Variants in FGGY observed in about 807,000 individuals in gnomAD.
The protein encoded by FGGY is FGGY carbohydrate kinase domain containing.
A neutral mutation model predicts 71.3 loss-of-function variants in FGGY; 72 were observed. The observed-to-expected ratio is 1.01, with a 90% confidence interval of 0.84 to 1.23. The LOEUF is 1.23. FGGY is among the 50% of genes most tolerant of loss of function. The probability of loss-of-function intolerance (pLI) is 0.00; values close to 1 mark genes in which losing one functional copy is unlikely to be tolerated. For synonymous variants in FGGY, 251 were observed against 250.3 expected, an observed-to-expected ratio of 1.00 and a Z score of -0.02; for missense variants, 668 against 682.3, an observed-to-expected ratio of 0.98 and a Z score of 0.23.
At chr1:59,337,662 G>A (rs1176466886) in intron 2 of FGGY, among the ~76,000 whole-genome samples, 1 of 151,996 alleles carries the variant, frequency 6.6e-6, no homozygotes, top group Non-Finnish European at 1.5e-5. Flanking sequence ...TTATCTTTTA[G>A]TTGCTATTAA....
At chr1:59,587,861 A>T (rs1244800730) in intron 8 of FGGY, among the ~76,000 whole-genome samples, 2 of 152,196 alleles carry the variant, frequency 1.3e-5, no homozygotes, top group East Asian at 3.8e-4. Context: ...ACAGAGCAGA[A>T]AAACTGGAAA....
intron 6 of FGGY, among the ~76,000 whole-genome samples, chr1:59,476,069 A>T (rs959673129): frequency 6.6e-6 from 1 of 152,196 alleles, no homozygotes; most frequent in African/African-American, 2.4e-5. Context: ...TTTCCAGTGT[A>T]TATAGCTTTT....
At chr1:59,368,170 C>T (rs1031825201) in intron 4 of FGGY, among the ~76,000 whole-genome samples, 10 of 152,076 alleles carry the variant, frequency 6.6e-5, no homozygotes, top group East Asian at 3.9e-4. Context: ...TGGTGTGTGT[C>T]GAGGGCCTGC....
At chr1:59,505,002 T>C (rs1250089549) in intron 6 of FGGY, among the ~76,000 whole-genome samples, 1 of 152,120 alleles carries the variant, frequency 6.6e-6, no homozygotes, top group Non-Finnish European at 1.5e-5. Context: ...CTCTGTCTAG[T>C]GGGAAAGAGA....
chr1:59,649,923 C>G (rs2097139854), intron 11 of FGGY, among the ~76,000 whole-genome samples: 1 of 143,932 alleles, frequency 6.9e-6, no homozygotes, highest in African/African-American at 2.9e-5. Context: ...GAAATACGTC[C>G]CATCAATACC....
chr1:59,561,564 C>T (rs1036183439), intron 8 of FGGY, among the ~76,000 whole-genome samples: 1 of 152,156 alleles, frequency 6.6e-6, no homozygotes, highest in Non-Finnish European at 1.5e-5. Flanking sequence ...ACCCTTTCCT[C>T]AATCCTCATG....
chr1:59,643,531 GC>G (rs2097058848), intron 11 of FGGY, among the ~76,000 whole-genome samples: 1 of 152,026 alleles, frequency 6.6e-6, no homozygotes, highest in South Asian at 2.1e-4. Flanking sequence ...TATGAAATAG[GC>G]CAGAAACTTA....
At chr1:59,592,558 G>A (rs540366811) in intron 8 of FGGY, among the ~76,000 whole-genome samples, 230 of 152,204 alleles carry the variant, frequency 1.5e-3, no homozygotes, top group African/African-American at 5.3e-3. Context: ...ATGATAGACT[G>A]GATTAAGAAA....
intron 5 of FGGY, among the ~76,000 whole-genome samples, chr1:59,434,513 G>T (rs1480297894): frequency 6.6e-6 from 1 of 152,190 alleles, no homozygotes; most frequent in East Asian, 1.9e-4. Context: ...ACTAGAGAGG[G>T]CATACCCAGC....
chr1:59,559,959 G>A (rs1354457999), intron 8 of FGGY, among the ~76,000 whole-genome samples: 32 of 152,172 alleles, frequency 2.1e-4, no homozygotes, highest in Non-Finnish European at 5.9e-5. Flanking sequence ...CCATCAAGGA[G>A]GTGGAGCATA....
intron 5 of FGGY, among the ~76,000 whole-genome samples, chr1:59,406,568 T>C (rs923100345): frequency 6.6e-6 from 1 of 152,140 alleles, no homozygotes; most frequent in Non-Finnish European, 1.5e-5. Context: ...CTCAACAATA[T>C]ATATTAAATG....
At chr1:59,593,804 C>T (rs1238231196) in intron 8 of FGGY, among the ~76,000 whole-genome samples, 1 of 152,128 alleles carries the variant, frequency 6.6e-6, no homozygotes, top group African/African-American at 2.4e-5. Flanking sequence ...TTTCACAGGA[C>T]CTGACACATA....
At chr1:59,690,478 T>C (rs777565186) in intron 14 of FGGY, among the ~76,000 whole-genome samples, 3 of 152,128 alleles carry the variant, frequency 2.0e-5, no homozygotes, top group Non-Finnish European at 4.4e-5. Context: ...CTGAAACCCA[T>C]CTCTATAAAG....
At chr1:59,552,787 G>A (rs899955011) in intron 7 of FGGY, among the ~76,000 whole-genome samples, 2 of 152,074 alleles carry the variant, frequency 1.3e-5, no homozygotes, top group African/African-American at 4.8e-5. Flanking sequence ...CTGTGAGCAG[G>A]GACTTGTCTT....
chr1:59,598,625 T>C (rs557269490), intron 8 of FGGY, among the ~76,000 whole-genome samples: 3 of 152,266 alleles, frequency 2.0e-5, no homozygotes, highest in East Asian at 3.9e-4. Context: ...GTGTGTATCT[T>C]GTTTTGCTGA....
intron 9 of FGGY, among the ~76,000 whole-genome samples, chr1:59,615,798 A>G (rs2096746187): frequency 6.6e-6 from 1 of 152,226 alleles, no homozygotes; most frequent in Non-Finnish European, 1.5e-5. Context: ...ACAAATTCAC[A>G]AGAATAAAAG....
At chr1:59,364,162 A>G (rs573292544) in intron 4 of FGGY, among the ~76,000 whole-genome samples, 2 of 152,298 alleles carry the variant, frequency 1.3e-5, no homozygotes, top group South Asian at 4.2e-4. Context: ...CAGAGCGCTC[A>G]ACATTTGATG....
intron 9 of FGGY, among the ~76,000 whole-genome samples, chr1:59,616,799 G>T (rs2096760176): frequency 6.6e-6 from 1 of 151,960 alleles, no homozygotes; most frequent in Non-Finnish European, 1.5e-5. Flanking sequence ...TCCAATCTCA[G>T]TTCCAAGAAC....
intron 8 of FGGY, among the ~76,000 whole-genome samples, chr1:59,563,041 A>T (rs1571315593): frequency 6.6e-6 from 1 of 152,214 alleles, no homozygotes; most frequent in Admixed American, 6.5e-5. Context: ...GTCATCTGCA[A>T]ACCGAGATAA....
Sources: gnomAD v4.1 joint callset for allele counts (sites outside exome capture counted in the v4.1 genomes callset) on GRCh38, gnomAD v4.1.1 for gene constraint, MANE v1.5 for transcripts, NCBI Gene and HGNC (gene_info 2026-07-23, HGNC 2026-07-21) for gene names.